NTRK3: variants seen among roughly 807,000 people sequenced by gnomAD.
The protein encoded by NTRK3 is NT-3 growth factor receptor.
NTRK3 carries 24 observed loss-of-function variants against 91.7 expected under a neutral mutation model. The observed-to-expected ratio is 0.26, with a 90% CI of 0.19 to 0.37. The LOEUF is 0.37. Ranked by LOEUF, NTRK3 falls within the 10% of genes least tolerant of loss-of-function variation. The pLI, the probability that NTRK3 is intolerant of heterozygous loss-of-function variation, is 1.00. For synonymous variants in NTRK3, 483 were observed against 404.0 expected (o/e 1.20, Z -2.34); for missense variants, 880 against 1,068.9 (o/e 0.82, Z 2.46).
chr15:87,912,923 T>TAAA (rs71460480), intron 17 of NTRK3, among the ~76,000 whole-genome samples: 1 of 39,790 alleles, frequency 2.5e-5, no homozygotes, highest in African/African-American at 1.4e-4. Flanking sequence ...TTTCAAAAAG[T>TAAA]AAAAAAAAAT....
At chr15:88,104,086 A>C (rs1427642747) in intron 13 of NTRK3, among the ~76,000 whole-genome samples, 1 of 152,234 alleles carries the variant, frequency 6.6e-6, no homozygotes, top group Non-Finnish European at 1.5e-5. Context: ...TGCCTCCAAA[A>C]GCAGAGCTGA....
rs930547879 is a variant in NTRK3, at chr15:87,969,034, C to A, written c.1586-28281G>T. Among the ~76,000 whole-genome samples the A allele has an allele frequency of 5.3e-5, 8 of 152,154 alleles. 1 individual carries two copies. The highest frequency in any genetic ancestry group is 1.9e-4 in the African/African-American group (8 of 41,420). ...TAACATAGATGCTATCCCCCCACCCCCTGCCAGGTACCAAGGTATTTTGAA... is the reference window on the plus strand; with the variant it reads ...TAACATAGATGCTATCCCCCCACCCACTGCCAGGTACCAAGGTATTTTGAA... On this transcript the variant is annotated intron_variant, in intron 14 of 18. Transcript: ENST00000394480.
chr15:88,255,722 C>T lies in NTRK3; in HGVS notation c.248+184G>A, dbSNP rs1049940609. 6.6e-6 allele frequency among the ~76,000 whole-genome samples: 1 copy of T among 152,102 alleles called. No individual in the cohort carries two copies. The highest frequency in any genetic ancestry group is 1.5e-5 in the Non-Finnish European group (1 of 68,002). On this transcript the variant is annotated intron_variant, in intron 3 of 18. Transcript: ENST00000394480. This position sits in a 1 kb window ranked among gnomAD's most constrained non-coding sequence, Gnocchi z 4.3. ...TAGCCGGATCGCGCCTCGCCAGGGC[C>T]GGAGTCACCTGGAATGCGCAGCCGG...
intron 5 of NTRK3, among the ~76,000 whole-genome samples, chr15:88,156,394 C>G (rs1052502618): frequency 6.6e-6 from 1 of 152,192 alleles, no homozygotes; most frequent in African/African-American, 2.4e-5. Context: ...CCTCAGAATT[C>G]AAGTACTTCC....
intron 13 of NTRK3, among the ~76,000 whole-genome samples, chr15:88,124,737 G>T (rs532560621): frequency 6.6e-6 from 1 of 152,302 alleles, no homozygotes; most frequent in African/African-American, 2.4e-5. Context: ...TGTTGTGTTT[G>T]CAGATAAGAC....
At chr15:88,130,424 CA>C (rs1453434836) in intron 10 of NTRK3, among the ~76,000 whole-genome samples, 6 of 152,070 alleles carry the variant, frequency 3.9e-5, no homozygotes, top group African/African-American at 1.4e-4. Flanking sequence ...GGATGAGAAA[CA>C]AGCTATTTAT....
At chr15:87,875,313 G>T (rs978926536) in exon 19 of NTRK3, 37 of 230,384 alleles carry the variant, frequency 1.6e-4, no homozygotes, top group African/African-American at 8.0e-4. Context: ...CAGCAGAGGA[G>T]ATCTGTGGGG....
chr15:87,880,100 G>GT (rs2065159662), intron 18 of NTRK3, among the ~76,000 whole-genome samples, 170 bp downstream of exon 19: 1 of 151,538 alleles, frequency 6.6e-6, no homozygotes, highest in Non-Finnish European at 1.5e-5. Context: ...ATTTCCTACA[G>GT]TTCCATTTTT....
chr15:87,862,900 A>C (rs2064564385), exon 19 of NTRK3: 1 of 230,946 alleles, frequency 4.3e-6, no homozygotes, highest in African/African-American at 2.2e-5. Context: ...TTCTGTCCCC[A>C]AACTTCATAG....
intron 13 of NTRK3, among the ~76,000 whole-genome samples, chr15:88,058,957 T>C (rs1189995133): frequency 2.0e-5 from 3 of 152,152 alleles, no homozygotes; most frequent in Non-Finnish European, 4.4e-5. Flanking sequence ...GAGATTTAGA[T>C]GTTCACCATC....
chr15:88,062,764 T>A (rs1298423970), intron 13 of NTRK3, among the ~76,000 whole-genome samples: 1 of 152,284 alleles, frequency 6.6e-6, no homozygotes, highest in Non-Finnish European at 1.5e-5. Flanking sequence ...TTTATTATCA[T>A]TTCTGTCATT....
exon 19 of NTRK3, chr15:87,871,536 CCTGTGTGG>C (rs1481770592): frequency 8.7e-6 from 2 of 230,478 alleles, no homozygotes; most frequent in African/African-American, 4.4e-5. Context: ...AGAAATGACT[CCTGTGTGG>C]TCATCTATCA....
chr15:87,898,298 G>A (rs183592321), intron 17 of NTRK3, among the ~76,000 whole-genome samples: 3 of 152,250 alleles, frequency 2.0e-5, no homozygotes, highest in South Asian at 4.2e-4. Flanking sequence ...ATCTATTGCC[G>A]CACTCCAAGT....
At chr15:87,941,494 C>G (rs545701488) in intron 14 of NTRK3, among the ~76,000 whole-genome samples, 2 of 151,826 alleles carry the variant, frequency 1.3e-5, no homozygotes, top group East Asian at 3.9e-4. Flanking sequence ...CACACACACA[C>G]ACAAAGACAC....
At position 88,195,094 on chromosome 15, in the gene NTRK3, G is replaced by A. The variant is rs184776031; in HGVS notation, c.249-10795C>T. Among the ~76,000 whole-genome samples, 821 of 152,260 alleles carry A rather than the reference G, an allele frequency of 5.4e-3. 10 individuals carry two copies. The highest frequency in any genetic ancestry group is 0.03 in the Admixed American group (452 of 15,292). ...CAGTTTTGATTGTCACTATTGGGGCGGTGCCACTGGTGTCTAGCGGGGTGA... is the reference window on the plus strand; with the variant it reads ...CAGTTTTGATTGTCACTATTGGGGCAGTGCCACTGGTGTCTAGCGGGGTGA... On this transcript the variant is annotated intron_variant, in intron 3 of 18. Transcript: ENST00000394480.
At position 87,973,952 on chromosome 15, in the gene NTRK3, C is replaced by T. The variant is rs147519176; in HGVS notation, c.1586-33199G>A. Among the ~76,000 whole-genome samples the T allele has an allele frequency of 6.9e-3, 1,050 of 152,202 alleles. 5 individuals are homozygous for T. Among genetic ancestry groups the T allele is most frequent in the Non-Finnish European group, 0.011 (767 of 68,020 alleles). Reference sequence around the variant, plus strand: ...GTAAACCCTGAAGGAACAAAGGCTCCGGCTCTTTGCCTAATCCATGTCTGG... The same window carrying T: ...GTAAACCCTGAAGGAACAAAGGCTCTGGCTCTTTGCCTAATCCATGTCTGG... On this transcript the variant is annotated intron_variant, in intron 14 of 18. Transcript: ENST00000394480.
intron 14 of NTRK3, among the ~76,000 whole-genome samples, chr15:87,971,630 G>A (rs79048755): frequency 0.04 from 6,127 of 152,232 alleles, 425 homozygotes; most frequent in African/African-American, 0.14. Context: ...GTAGGTGCAG[G>A]GGTCCCCTGC....
chr15:88,068,355 C>T (rs1366161226), intron 13 of NTRK3, among the ~76,000 whole-genome samples: 1 of 152,042 alleles, frequency 6.6e-6, no homozygotes, highest in African/African-American at 2.4e-5. Flanking sequence ...TGCTTGAACC[C>T]GGGAGGTGGA....
intron 14 of NTRK3, among the ~76,000 whole-genome samples, chr15:87,989,738 C>T (rs2075139745): frequency 2.0e-5 from 3 of 151,772 alleles, no homozygotes; most frequent in Admixed American, 2.0e-4. Context: ...ACTTAAGTAG[C>T]TGGGATTACA....
Sources: gnomAD v4.1 joint callset for allele counts (sites outside exome capture counted in the v4.1 genomes callset) on GRCh38, gnomAD v4.1.1 for gene constraint, Gnocchi (gnomAD v3.1) non-coding constraint, MANE v1.5 for transcripts, NCBI Gene and HGNC (gene_info 2026-07-23, HGNC 2026-07-21) for gene names.